Variants in UNC13C observed in about 807,000 individuals in gnomAD.
UNC13C encodes the protein protein unc-13 homolog C.
Under a neutral mutation model 245.4 loss-of-function variants are expected in UNC13C, and 174 were observed. That is an observed-to-expected ratio of 0.71 (90% CI 0.63 to 0.80). The LOEUF is 0.80. Ranked by LOEUF, UNC13C falls within the 30% of genes least tolerant of loss-of-function variation. The pLI is 0.00. For missense variants in UNC13C, 2,829 were observed against 2,602.9 expected (o/e 1.09, Z -1.89); for synonymous variants, 992 against 895.1 (o/e 1.11, Z -1.93).
At chr15:54,194,666 C>G (rs2034293824) in intron 4 of UNC13C, among the ~76,000 whole-genome samples, 1 of 151,960 alleles carries the variant, frequency 6.6e-6, no homozygotes, top group Admixed American at 6.6e-5. Flanking sequence ...GCATTGACTG[C>G]TGAAGTAGGA....
intron 10 of UNC13C, among the ~76,000 whole-genome samples, chr15:54,280,741 TATATACATATATAC>T (rs761601277): frequency 0.092 from 11,986 of 129,834 alleles, 749 homozygotes; most frequent in Middle Eastern, 0.17. Context: ...TATACATACA[TATATACATATATAC>T]ACATACATAC....
chr15:53,954,745 G>T, the UNC13C span, among the ~76,000 whole-genome samples: 9 of 152,098 alleles, frequency 5.9e-5, no homozygotes, highest in Non-Finnish European at 1.2e-4. Flanking sequence ...TAATATTTTG[G>T]TTCATGTTTA....
At chr15:54,623,771 A>G (rs1483500002) in intron 31 of UNC13C, 24 bp from the exon 32 acceptor site, 1 of 1,597,634 alleles carries the variant, frequency 6.3e-7, no homozygotes, top group Non-Finnish European at 8.5e-7. Flanking sequence ...TGTTTGCTAA[A>G]ATGTGATATT....
chr15:54,200,939 AAG>A (rs2034502671), intron 4 of UNC13C, among the ~76,000 whole-genome samples: 1 of 152,106 alleles, frequency 6.6e-6, no homozygotes, highest in African/African-American at 2.4e-5. Flanking sequence ...TAACCAAGAA[AAG>A]AGAGAAGATC....
At chr15:54,345,472 A>G (rs1183344855) in intron 17 of UNC13C, among the ~76,000 whole-genome samples, 1 of 152,150 alleles carries the variant, frequency 6.6e-6, no homozygotes, top group African/African-American at 2.4e-5. Context: ...CCAACCCATA[A>G]AAACATCTTG....
At chr15:54,053,068 C>T (rs186442436) in intron 2 of UNC13C, among the ~76,000 whole-genome samples, 2 of 152,188 alleles carry the variant, frequency 1.3e-5, no homozygotes, top group African/African-American at 4.8e-5. Flanking sequence ...GGTGTGATCT[C>T]GACCCACTGC....
intron 2 of UNC13C, among the ~76,000 whole-genome samples, chr15:54,127,975 A>G (rs2031168595): frequency 6.6e-6 from 1 of 151,766 alleles, no homozygotes; most frequent in Non-Finnish European, 1.5e-5. Context: ...AGAAGTCGAA[A>G]TATCTCTCTC....
At chr15:53,930,390 C>T in the UNC13C span, among the ~76,000 whole-genome samples, 8 of 152,270 alleles carry the variant, frequency 5.3e-5, no homozygotes, top group African/African-American at 1.9e-4. Flanking sequence ...ATCTTTACCT[C>T]TTGATGGAAG....
At chr15:54,170,690 G>A (rs945287860) in intron 4 of UNC13C, among the ~76,000 whole-genome samples, 3 of 152,068 alleles carry the variant, frequency 2.0e-5, no homozygotes, top group Admixed American at 6.5e-5. Flanking sequence ...TTAGATTAGA[G>A]ATGGCGCTCA....
At chr15:54,543,031 T>G (rs1896317023) in intron 26 of UNC13C, among the ~76,000 whole-genome samples, 1 of 152,138 alleles carries the variant, frequency 6.6e-6, no homozygotes. Context: ...GTGAATTTGG[T>G]CCTGTCGCTA....
chr15:54,438,519 C>G (rs571601562), intron 19 of UNC13C, among the ~76,000 whole-genome samples: 1 of 151,924 alleles, frequency 6.6e-6, no homozygotes, highest in Non-Finnish European at 1.5e-5. Flanking sequence ...TTTCTTAGTT[C>G]CTGGTTACAT....
At chr15:54,158,552 C>G (rs1182164417) in intron 4 of UNC13C, among the ~76,000 whole-genome samples, 3 of 151,646 alleles carry the variant, frequency 2.0e-5, no homozygotes, top group Non-Finnish European at 4.4e-5. Context: ...ATCTCCTGAC[C>G]TCGTGATCCA....
chr15:54,568,895 ACT>A (rs763459706), intron 30 of UNC13C, among the ~76,000 whole-genome samples: 3 of 151,934 alleles, frequency 2.0e-5, no homozygotes, highest in Non-Finnish European at 4.4e-5. Context: ...TGCCTATAAC[ACT>A]CTGTGCTTTT....
intron 17 of UNC13C, among the ~76,000 whole-genome samples, chr15:54,372,878 G>A (rs778765487): frequency 1.6e-4 from 24 of 152,158 alleles, no homozygotes; most frequent in African/African-American, 2.2e-4. Flanking sequence ...GGTGACAATC[G>A]AGTTAGTCAA....
At chr15:54,154,727 C>T (rs189795815) in intron 4 of UNC13C, among the ~76,000 whole-genome samples, 15 of 152,234 alleles carry the variant, frequency 9.9e-5, no homozygotes, top group East Asian at 7.7e-4. Context: ...CCTTCATACA[C>T]GCTGAATCTA....
chr15:54,226,341 C>T (rs2035382160), intron 4 of UNC13C, among the ~76,000 whole-genome samples: 1 of 152,136 alleles, frequency 6.6e-6, no homozygotes, highest in Non-Finnish European at 1.5e-5. Flanking sequence ...ATGAGTCCAT[C>T]CTTTTCAATT....
intron 26 of UNC13C, among the ~76,000 whole-genome samples, chr15:54,533,418 G>T (rs186357350): frequency 6.6e-6 from 1 of 152,286 alleles, no homozygotes. Context: ...ACTGAGCTGA[G>T]TCCAGAATAG....
At chr15:54,603,989 C>A (rs910703112) in intron 30 of UNC13C, among the ~76,000 whole-genome samples, 1 of 152,134 alleles carries the variant, frequency 6.6e-6, no homozygotes, top group African/African-American at 2.4e-5. Context: ...AATGTTCTTT[C>A]CCACTTATTC....
intron 2 of UNC13C, among the ~76,000 whole-genome samples, chr15:54,086,452 T>C (rs1463210587): frequency 6.6e-6 from 1 of 152,066 alleles, no homozygotes; most frequent in Non-Finnish European, 1.5e-5. Flanking sequence ...TTCAGCAAAA[T>C]GATAAAATTG....
Sources: allele counts gnomAD v4.1 joint callset (sites outside exome capture counted in the v4.1 genomes callset), GRCh38; gene constraint gnomAD v4.1.1; transcripts MANE v1.5; gene names NCBI Gene and HGNC (gene_info 2026-07-23, HGNC 2026-07-21).